Variants in DENND1A observed in about 807,000 individuals in gnomAD.
The protein encoded by DENND1A is DENN domain containing 1A.
In DENND1A, 51 loss-of-function variants were observed where a neutral mutation model predicts 113.7. The observed-to-expected ratio is 0.45, with a 90% confidence interval of 0.36 to 0.57. The LOEUF (loss-of-function observed/expected upper bound fraction) is 0.57, where lower values mean the gene tolerates loss of function less well. Ranked by LOEUF, DENND1A falls within the 20% of genes least tolerant of loss-of-function variation. The pLI, the probability that DENND1A is intolerant of heterozygous loss-of-function variation, is 0.00. For missense variants in DENND1A, 1,258 were observed against 1,395.9 expected, an observed-to-expected ratio of 0.90 and a Z score of 1.57; for synonymous variants, 565 against 570.8, an observed-to-expected ratio of 0.99 and a Z score of 0.14.
At chr9:123,524,611 C>T (rs1293208948) in intron 13 of DENND1A, among the ~76,000 whole-genome samples, 1 of 152,200 alleles carries the variant, frequency 6.6e-6, no homozygotes, top group Non-Finnish European at 1.5e-5. Context: ...TGAATCTGGC[C>T]TGCAGGCTGC....
chr9:123,927,536 T>A (rs1474299966), intron 1 of DENND1A, among the ~76,000 whole-genome samples: 2 of 152,242 alleles, frequency 1.3e-5, no homozygotes, highest in Non-Finnish European at 2.9e-5. Context: ...CTGTGTTCAA[T>A]GCTCATAATA....
chr9:123,887,771 G>A (rs1272980357), intron 1 of DENND1A, among the ~76,000 whole-genome samples: 2 of 152,218 alleles, frequency 1.3e-5, no homozygotes, highest in Middle Eastern at 3.4e-3. Context: ...CATGCACACA[G>A]GGTGGAGGTG....
intron 2 of DENND1A, among the ~76,000 whole-genome samples, chr9:123,878,134 C>T (rs1847781559): frequency 6.6e-6 from 1 of 151,032 alleles, no homozygotes; most frequent in Non-Finnish European, 1.5e-5. Flanking sequence ...ACCCGGGAGG[C>T]AGAGGTTGCG....
At chr9:123,778,379 T>C (rs180705932) in intron 3 of DENND1A, among the ~76,000 whole-genome samples, 20 of 152,330 alleles carry the variant, frequency 1.3e-4, no homozygotes, top group Admixed American at 5.2e-4. Flanking sequence ...TACTGTCAAA[T>C]CATACAAGGC....
chr9:123,420,449 G>C (rs7867112), intron 19 of DENND1A, among the ~76,000 whole-genome samples: 8,109 of 152,222 alleles, frequency 0.053, 727 homozygotes, highest in African/African-American at 0.19. Flanking sequence ...CAGGATCGAA[G>C]GGGGTCCGGG....
At chr9:123,726,567 G>C (rs2067724802) in intron 5 of DENND1A, among the ~76,000 whole-genome samples, 1 of 152,188 alleles carries the variant, frequency 6.6e-6, no homozygotes, top group Admixed American at 6.5e-5. Flanking sequence ...GAAGAGAATA[G>C]AGGGAGGAGC....
rs1376835988 is a variant in DENND1A, at chr9:123,904,405, C to T, written c.18-25384G>A. Among the ~76,000 whole-genome samples, 854 of 149,462 alleles carry T rather than the reference C, an allele frequency of 5.7e-3. 10 individuals carry two copies. The highest frequency in any genetic ancestry group is 0.019 in the African/African-American group (758 of 40,464). On this transcript the variant is annotated intron_variant, in intron 1 of 23. Coordinates refer to ENST00000394215, the MANE Select transcript of DENND1A (RefSeq NM_001352964.2). Reference sequence around the variant, plus strand: ...CAAGCTGAGAGAAGAAGGCTTCAGACGATCAAATTACTCTGAGCTACGGGA... The same window carrying T: ...CAAGCTGAGAGAAGAAGGCTTCAGATGATCAAATTACTCTGAGCTACGGGA...
intron 2 of DENND1A, among the ~76,000 whole-genome samples, chr9:123,796,026 A>G (rs905401004): frequency 2.0e-5 from 3 of 152,206 alleles, no homozygotes; most frequent in African/African-American, 4.8e-5. Flanking sequence ...ACTTCAGACA[A>G]TAGATAACTC....
chr9:123,843,405 C>T (rs1387228185), intron 2 of DENND1A: 1 of 314,868 alleles, frequency 3.2e-6, no homozygotes, highest in Non-Finnish European at 6.4e-6. Flanking sequence ...TACCACTGTA[C>T]CTTATGTTTG....
chr9:123,480,328 G>GT (rs2050234246), intron 13 of DENND1A, among the ~76,000 whole-genome samples: 1 of 152,148 alleles, frequency 6.6e-6, no homozygotes, highest in Non-Finnish European at 1.5e-5. Flanking sequence ...CACTGCCCTT[G>GT]TGAGAGGCTT....
chr9:123,879,573 C>T (rs893703363), intron 1 of DENND1A, among the ~76,000 whole-genome samples: 1 of 151,978 alleles, frequency 6.6e-6, no homozygotes, highest in African/African-American at 2.4e-5. Context: ...CACACACACA[C>T]AAATTGTCTA....
rs1174236243 is a variant in DENND1A, at chr9:123,411,827, C to A, written c.1491G>T (p.Leu497=). 2.0e-6 allele frequency: 2 copies of A among 985,912 alleles called. No homozygotes were observed. Among genetic ancestry groups the A allele is most frequent in the Non-Finnish European group, 2.4e-6 (2 of 830,010 alleles). 61.1% of individuals were successfully genotyped at this position (985,912 alleles called of 1,614,324 possible). A position where few individuals can be genotyped will look rare whatever the true frequency, so the allele number is the denominator to read the frequency against. The change falls in exon 20 of 24, where the codon CTG becomes CTT. Residue 497 remains leucine (L), a splice_region_variant and synonymous_variant. Transcript: ENST00000394215. The part of the protein sequence containing the change: ...RRPITVHFGQ[L]QRLRPTRPPP... ...GCGGTCGGGTGGGACGCAGTCTCTGCAGCTGCATTAAAGTGGAAACTTACA... is the reference window on the plus strand; with the variant it reads ...GCGGTCGGGTGGGACGCAGTCTCTGAAGCTGCATTAAAGTGGAAACTTACA...
In DENND1A at chr9:123,501,118, C is replaced by A. The variant is rs922323786; in HGVS notation, c.994-43221G>T. ...ACTCCCCATTTCCCTCTCCTCCCAG[C>A]ACCTGGCAACCACCTGTCCACTGTC... is the stretch of plus-strand genomic sequence containing the variant. On this transcript the variant is annotated intron_variant, in intron 13 of 23. Coordinates refer to ENST00000394215, the MANE Select transcript of DENND1A (RefSeq NM_001352964.2). 6.6e-5 allele frequency among the ~76,000 whole-genome samples: 10 copies of A among 152,198 alleles called. No individual in the cohort carries two copies. The South Asian group carries it at 2.1e-3, about 32-fold the overall frequency.
At chr9:123,403,258 C>A in intron 21 of DENND1A, 144 bp downstream of exon 21, 1 of 751,948 alleles carries the variant, frequency 1.3e-6, no homozygotes. Flanking sequence ...AAGTCCTGTT[C>A]CCTGAATGAC....
chr9:123,896,739 G>A (rs1182843499), intron 1 of DENND1A, among the ~76,000 whole-genome samples: 1 of 152,064 alleles, frequency 6.6e-6, no homozygotes, highest in African/African-American at 2.4e-5. Flanking sequence ...ATAACTGAAC[G>A]GATGACTTAA....
chr9:123,432,607 C>T (rs1245438445), intron 19 of DENND1A, among the ~76,000 whole-genome samples: 4 of 152,108 alleles, frequency 2.6e-5, no homozygotes, highest in East Asian at 1.9e-4. Context: ...GGGGAAGAAA[C>T]GGGGGCAACG....
At chr9:123,401,981 A>G in intron 21 of DENND1A, 1 of 1,605,048 alleles carries the variant, frequency 6.2e-7, no homozygotes, top group South Asian at 1.1e-5. Flanking sequence ...GTATCCTGGT[A>G]CAGTGTCTAA....
chr9:123,855,054 C>G (rs1843948673), intron 2 of DENND1A, among the ~76,000 whole-genome samples: 1 of 151,284 alleles, frequency 6.6e-6, no homozygotes, highest in Admixed American at 6.6e-5. Flanking sequence ...ATTATAATGT[C>G]CAGTTCTATG....
intron 9 of DENND1A, among the ~76,000 whole-genome samples, chr9:123,631,496 T>C (rs1436118265): frequency 2.6e-5 from 4 of 152,220 alleles, no homozygotes; most frequent in Non-Finnish European, 4.4e-5. Flanking sequence ...TAATTTTCTT[T>C]GAATTTCTGG....
Sources: allele counts gnomAD v4.1 joint callset (sites outside exome capture counted in the v4.1 genomes callset), GRCh38; gene constraint gnomAD v4.1.1; transcripts MANE v1.5; gene names NCBI Gene and HGNC (gene_info 2026-07-23, HGNC 2026-07-21).